The following HS3ST3A1 variants were observed in gnomAD, a reference collection of about 807,000 sequenced individuals.
HS3ST3A1 encodes heparan sulfate glucosamine 3-O-sulfotransferase 3A1.
Under a neutral mutation model 25.7 loss-of-function variants are expected in HS3ST3A1, and 19 were observed. The observed-to-expected ratio is 0.74, with a 90% CI of 0.52 to 1.08. The LOEUF is 1.08. HS3ST3A1 is among the 50% of genes least tolerant of loss of function. The pLI is 0.00. For synonymous variants in HS3ST3A1, 226 were observed against 278.6 expected (o/e 0.81, Z 1.88); for missense variants, 459 against 594.3 (o/e 0.77, Z 2.37).
intron 1 of HS3ST3A1, among the ~76,000 whole-genome samples, chr17:13,539,578 C>T (rs1056276003): frequency 6.6e-6 from 1 of 152,214 alleles, no homozygotes; most frequent in African/African-American, 2.4e-5. Context: ...ACTTGAGCTT[C>T]AGACCAGTTC....
intron 1 of HS3ST3A1, among the ~76,000 whole-genome samples, chr17:13,550,105 C>T (rs1907199339): frequency 1.3e-5 from 2 of 152,196 alleles, no homozygotes; most frequent in African/African-American, 2.4e-5. Context: ...CAACACCACA[C>T]AGCATATACA....
chr17:13,542,801 T>C (rs565922600), intron 1 of HS3ST3A1, among the ~76,000 whole-genome samples: 11 of 152,076 alleles, frequency 7.2e-5, no homozygotes, highest in Admixed American at 2.0e-4. Flanking sequence ...GGGAATGTTG[T>C]AATTAGAGGG....
At chr17:13,572,934 A>G (rs1175540113) in intron 1 of HS3ST3A1, among the ~76,000 whole-genome samples, 2 of 152,218 alleles carry the variant, frequency 1.3e-5, no homozygotes, top group African/African-American at 4.8e-5. Flanking sequence ...GACCTTGCTT[A>G]TTTAACAGCC....
chr17:13,588,544 A>G (rs111429061), intron 1 of HS3ST3A1, among the ~76,000 whole-genome samples: 71 of 152,316 alleles, frequency 4.7e-4, no homozygotes, highest in African/African-American at 1.7e-3. Context: ...ACTATAGCAA[A>G]TACATTTTAC....
intron 1 of HS3ST3A1, among the ~76,000 whole-genome samples, chr17:13,594,525 A>T (rs544083620): frequency 3.3e-5 from 5 of 152,294 alleles, no homozygotes; most frequent in Admixed American, 3.3e-4. Context: ...ACAGGCCTGC[A>T]TTACTGATGT....
intron 1 of HS3ST3A1, among the ~76,000 whole-genome samples, chr17:13,575,255 C>G (rs1343405850): frequency 6.6e-6 from 1 of 152,118 alleles, no homozygotes; most frequent in Non-Finnish European, 1.5e-5. Context: ...AACTCCTACA[C>G]TAAGTAGGGA....
chr17:13,556,636 G>A (rs1337632950), intron 1 of HS3ST3A1, among the ~76,000 whole-genome samples: 11 of 151,866 alleles, frequency 7.2e-5, no homozygotes, highest in Non-Finnish European at 1.5e-4. Context: ...GGCGGATCAC[G>A]AGGTCAGGAG....
chr17:13,530,772 A>G (rs1302868948), intron 1 of HS3ST3A1, among the ~76,000 whole-genome samples: 1 of 152,040 alleles, frequency 6.6e-6, no homozygotes, highest in African/African-American at 2.4e-5. Flanking sequence ...AAGCAACTCA[A>G]TCGCTCAGTT....
intron 1 of HS3ST3A1, among the ~76,000 whole-genome samples, chr17:13,555,100 A>G (rs1230392411): frequency 6.6e-6 from 1 of 152,124 alleles, no homozygotes; most frequent in African/African-American, 2.4e-5. Flanking sequence ...GTTCTCACCC[A>G]CTACTCCCCA....
chr17:13,516,938 G>A (rs1203690605), intron 1 of HS3ST3A1, among the ~76,000 whole-genome samples: 1 of 151,972 alleles, frequency 6.6e-6, no homozygotes, highest in East Asian at 1.9e-4. Context: ...CGCCCGCCTC[G>A]GCCTCCTAAA....
chr17:13,537,635 C>A (rs1906810246), intron 1 of HS3ST3A1, among the ~76,000 whole-genome samples: 1 of 152,192 alleles, frequency 6.6e-6, no homozygotes, highest in Non-Finnish European at 1.5e-5. Context: ...ACAAGCATAC[C>A]AGCAGTGGCC....
At chr17:13,517,703 A>T (rs1044223278) in intron 1 of HS3ST3A1, among the ~76,000 whole-genome samples, 3 of 152,110 alleles carry the variant, frequency 2.0e-5, no homozygotes, top group Non-Finnish European at 4.4e-5. Flanking sequence ...CGAGGCTGGA[A>T]TGCAGTGGTG....
chr17:13,555,281 AG>A (rs1907343214), intron 1 of HS3ST3A1, among the ~76,000 whole-genome samples: 1 of 152,200 alleles, frequency 6.6e-6, no homozygotes, highest in Non-Finnish European at 1.5e-5. Context: ...CCGTGTTTCA[AG>A]CAGTATGGGA....
intron 1 of HS3ST3A1, among the ~76,000 whole-genome samples, chr17:13,501,259 T>A (rs1905466171): frequency 6.6e-6 from 1 of 150,750 alleles, no homozygotes; most frequent in Admixed American, 6.6e-5. Flanking sequence ...TGTTATGTGT[T>A]TTCTAAGATT....
intron 1 of HS3ST3A1, among the ~76,000 whole-genome samples, chr17:13,523,028 A>T (rs1307990512): frequency 6.6e-6 from 1 of 152,188 alleles, no homozygotes; most frequent in African/African-American, 2.4e-5. Flanking sequence ...GAAAAAAAAT[A>T]GAAAAGGGTC....
chr17:13,574,681 G>A (rs562138190), intron 1 of HS3ST3A1, among the ~76,000 whole-genome samples: 2 of 151,886 alleles, frequency 1.3e-5, no homozygotes, highest in African/African-American at 4.8e-5. Flanking sequence ...TCATGCCACT[G>A]CACTGCAGCC....
chr17:13,579,544 A>T (rs1908044487), intron 1 of HS3ST3A1, among the ~76,000 whole-genome samples: 1 of 151,400 alleles, frequency 6.6e-6, no homozygotes, highest in Admixed American at 6.6e-5. Context: ...CTACTAAAAA[A>T]TACAAAAACT....
intron 1 of HS3ST3A1, among the ~76,000 whole-genome samples, chr17:13,574,334 C>T (rs1483812629): frequency 1.3e-5 from 2 of 151,400 alleles, no homozygotes; most frequent in African/African-American, 2.4e-5. Flanking sequence ...GGGTTTTCAC[C>T]GTGTTAGCTA....
At chr17:13,545,781 A>C (rs1358901598) in intron 1 of HS3ST3A1, among the ~76,000 whole-genome samples, 3 of 152,154 alleles carry the variant, frequency 2.0e-5, no homozygotes, top group Non-Finnish European at 4.4e-5. Flanking sequence ...GTTCGAAACC[A>C]GCCTAGCTAA....
Sources: allele counts gnomAD v4.1 joint callset (sites outside exome capture counted in the v4.1 genomes callset), GRCh38; gene constraint gnomAD v4.1.1; transcripts MANE v1.5; gene names NCBI Gene and HGNC (gene_info 2026-07-23, HGNC 2026-07-21).